HYCC2: variants seen among roughly 807,000 people sequenced by gnomAD.
HYCC2 encodes hyccin 2.
At chr2:201,032,388 T>C in the HYCC2 span, among the ~76,000 whole-genome samples, 47 of 152,310 alleles carry the variant, frequency 3.1e-4, no homozygotes, top group African/African-American at 1.1e-3. Context: ...ATTAGACTTT[T>C]GATAATAAAT....
chr2:201,023,876 T>G, the HYCC2 span: 125 of 1,028,056 alleles, frequency 1.2e-4, no homozygotes, highest in Middle Eastern at 1.1e-3. Flanking sequence ...GAGCACATAA[T>G]GTTTCTCCAT....
chr2:200,988,380 A>G, the HYCC2 span: 1 of 1,613,506 alleles, frequency 6.2e-7, no homozygotes, highest in African/African-American at 1.3e-5. Context: ...GTGTAGAATC[A>G]GGAGCATCAA....
chr2:200,978,403 T>A, the HYCC2 span: 1 of 151,310 alleles, frequency 6.6e-6, no homozygotes, highest in African/African-American at 2.4e-5. Context: ...TTAATGTGGG[T>A]ATGTATACAT....
At chr2:200,985,591 G>A in the HYCC2 span, among the ~76,000 whole-genome samples, 1,101 of 152,250 alleles carry the variant, frequency 7.2e-3, 16 homozygotes, top group African/African-American at 0.025. Flanking sequence ...AGACCAGGAA[G>A]TTGAGGCTAC....
the HYCC2 span, among the ~76,000 whole-genome samples, chr2:201,013,131 A>AT: frequency 6.6e-6 from 1 of 152,060 alleles, no homozygotes; most frequent in African/African-American, 2.4e-5. Flanking sequence ...TACTAGACCT[A>AT]TATGGTAAGT....
At chr2:201,024,087 C>A in the HYCC2 span, 2 of 1,038,342 alleles carry the variant, frequency 1.9e-6, no homozygotes, top group Non-Finnish European at 3.0e-6. Flanking sequence ...CTTATAGGAA[C>A]AACTAGAAAT....
At chr2:200,993,741 G>T in the HYCC2 span, among the ~76,000 whole-genome samples, 2 of 151,924 alleles carry the variant, frequency 1.3e-5, no homozygotes, top group South Asian at 4.2e-4. Flanking sequence ...CAGCACTTTG[G>T]GAGGCTGAGG....
the HYCC2 span, chr2:200,975,880 A>G: frequency 6.6e-6 from 1 of 152,252 alleles, no homozygotes; most frequent in East Asian, 1.9e-4. Context: ...AGTATTTTCT[A>G]TATATGCTCA....
the HYCC2 span, among the ~76,000 whole-genome samples, chr2:201,010,584 T>C: frequency 5.3e-5 from 8 of 152,126 alleles, no homozygotes; most frequent in Non-Finnish European, 1.0e-4. Context: ...AGCAAAAAAG[T>C]ATAATGTACT....
chr2:200,999,455 G>A, the HYCC2 span, among the ~76,000 whole-genome samples: 1 of 150,772 alleles, frequency 6.6e-6, no homozygotes, highest in Non-Finnish European at 1.5e-5. Flanking sequence ...GCATGATCTC[G>A]GCTCACTGCA....
the HYCC2 span, chr2:201,022,241 G>A: frequency 4.5e-6 from 2 of 447,204 alleles, no homozygotes; most frequent in African/African-American, 2.0e-5. Context: ...TGTGTATTTT[G>A]CATAAATTAA....
chr2:201,046,776 A>G, the HYCC2 span, among the ~76,000 whole-genome samples: 1 of 152,216 alleles, frequency 6.6e-6, no homozygotes, highest in Non-Finnish European at 1.5e-5. Flanking sequence ...AAATAGCTCA[A>G]TCCCTGTCTG....
the HYCC2 span, among the ~76,000 whole-genome samples, chr2:201,028,883 C>A: frequency 3.9e-5 from 6 of 152,142 alleles, no homozygotes; most frequent in Admixed American, 3.9e-4. Flanking sequence ...CTAGGCAATA[C>A]CATTCAGGAC....
chr2:201,063,800 G>C, the HYCC2 span: 1 of 1,591,024 alleles, frequency 6.3e-7, no homozygotes, highest in Non-Finnish European at 8.5e-7. Context: ...TGGTGGATAT[G>C]ATGGCAGTGG....
At chr2:201,005,624 T>C in the HYCC2 span, among the ~76,000 whole-genome samples, 1 of 152,204 alleles carries the variant, frequency 6.6e-6, no homozygotes, top group African/African-American at 2.4e-5. Flanking sequence ...CTAGTTGTGA[T>C]AGCACATTAG....
At chr2:200,978,912 A>T in the HYCC2 span, 19 of 152,234 alleles carry the variant, frequency 1.2e-4, no homozygotes, top group African/African-American at 4.3e-4. Flanking sequence ...AACCAAAATC[A>T]TGCTAGATTT....
the HYCC2 span, among the ~76,000 whole-genome samples, chr2:200,994,049 C>T: frequency 1.3e-5 from 2 of 151,880 alleles, no homozygotes; most frequent in Non-Finnish European, 1.5e-5. Flanking sequence ...GAAATTTCTT[C>T]TTCAATTTCA....
At chr2:200,994,476 A>C in the HYCC2 span, among the ~76,000 whole-genome samples, 3 of 152,114 alleles carry the variant, frequency 2.0e-5, no homozygotes, top group Admixed American at 1.3e-4. Context: ...ACCTCAGGTG[A>C]TCTGCCCACC....
the HYCC2 span, chr2:200,993,117 C>G: frequency 1.5e-6 from 1 of 683,848 alleles, no homozygotes; most frequent in South Asian, 1.9e-5. Flanking sequence ...TATTGAGTGC[C>G]TGTTATATAC....
Sources: gnomAD v4.1 joint callset for allele counts (sites outside exome capture counted in the v4.1 genomes callset) on GRCh38, gnomAD v4.1.1 for gene constraint, MANE v1.5 for transcripts, NCBI Gene and HGNC (gene_info 2026-07-23, HGNC 2026-07-21) for gene names.